The following PLCD3 variants were observed in gnomAD, a reference collection of about 807,000 sequenced individuals.
PLCD3 encodes the protein phospholipase C delta 3.
A neutral mutation model predicts 82.8 loss-of-function variants in PLCD3; 62 were observed. The observed-to-expected ratio is 0.75, with a 90% CI of 0.61 to 0.93. PLCD3 has a LOEUF of 0.93. Among genes scored for constraint, PLCD3 ranks in the 40% least tolerant of loss-of-function variants. The probability of loss-of-function intolerance (pLI) is 0.00; values close to 1 mark genes in which losing one functional copy is unlikely to be tolerated. For synonymous variants in PLCD3, 478 were observed against 471.8 expected (o/e 1.01, Z -0.17); for missense variants, 1,023 against 1,103.4 (o/e 0.93, Z 1.03).
chr17:45,118,360 G>T lies in PLCD3; in HGVS notation c.1046C>A (p.Ser349Tyr). 1 of 1,614,048 alleles carries T rather than the reference G, an allele frequency of 6.2e-7. No homozygotes were observed. The highest frequency in any genetic ancestry group is 1.1e-5 in the South Asian group (1 of 91,084). Residue 349 changes from serine to tyrosine, a missense_variant, in exon 6 of 15, where the codon TCT becomes TAT. Physicochemically the swap from Ser to Tyr is moderately radical, Grantham distance 144. Coordinates refer to ENST00000619929, the MANE Select transcript of PLCD3 (RefSeq NM_133373.5). The surrounding 1 kb of genome is among the most constrained non-coding windows in gnomAD (Gnocchi z 4.1). ...AGTCAGATAGGTGTTGTGGGAGGAA[G>T]AGATGAAGTAGTGGGCAAGGGGCTG... ...MNQPLAHYFISSSHNTYLTDS... is the reference protein window; with the variant it reads ...MNQPLAHYFIYSSHNTYLTDS...
chr17:45,132,180 G>A lies in PLCD3; in HGVS notation c.163+68C>T. 3 of 1,228,160 alleles carry A rather than the reference G, an allele frequency of 2.4e-6. No homozygotes were observed. Among genetic ancestry groups the A allele is most frequent in the South Asian group, 4.1e-5 (1 of 24,434 alleles). 76.1% of individuals were successfully genotyped at this position (1,228,160 alleles called of 1,614,324 possible). On this transcript the variant is annotated intron_variant, in intron 1 of 14. Coordinates refer to ENST00000619929, the MANE Select transcript of PLCD3 (RefSeq NM_133373.5). The surrounding 1 kb of genome is among the most constrained non-coding windows in gnomAD (Gnocchi z 4.6). ...CTGGGGAATCCACGAACTGCTCCCT[G>A]GAGCGCCCCAGACTGGGCCTCTGGG... is the stretch of plus-strand genomic sequence containing the variant.
In PLCD3 at chr17:45,120,469, G is replaced by C; in HGVS notation, c.555-15C>G. ...AGTGGATCCAGGTGTGGGTGCTCAG[G>C]AAATAACAGCAACACGCCAGGCTGC... On this transcript the variant is annotated splice_polypyrimidine_tract_variant and intron_variant, in intron 3 of 14. Transcript: ENST00000619929. The C allele has an allele frequency of 6.2e-7, 1 of 1,613,854 alleles. No homozygotes were observed. Among genetic ancestry groups the C allele is most frequent in the Admixed American group, 1.7e-5 (1 of 60,012 alleles).
intron 1 of PLCD3, among the ~76,000 whole-genome samples, chr17:45,131,304 C>T (rs1713952002): frequency 6.6e-6 from 1 of 152,232 alleles, no homozygotes; most frequent in Non-Finnish European, 1.5e-5. Context: ...CCACACCTAG[C>T]CTCTCCATCA....
In PLCD3 at chr17:45,113,458, C is replaced by T; in HGVS notation, c.1976G>A (p.Arg659Lys). 2 of 1,594,900 alleles carry T rather than the reference C, an allele frequency of 1.3e-6. No individual in the cohort carries two copies. Among genetic ancestry groups the T allele is most frequent in the African/African-American group, 2.7e-5 (2 of 74,680 alleles). The change falls in exon 12 of 15, where the codon AGA (arginine) becomes AAA (lysine). Residue 659 changes from arginine (R) to lysine (K), a missense_variant. Transcript: ENST00000619929. ...TFDPEYPGPPRTTLSIQVLTA... is the reference protein window; with the variant it reads ...TFDPEYPGPPKTTLSIQVLTA... Reference sequence around the variant, plus strand: ...GCTGACCTGGATGCTGAGAGTGGTTCTGGGAGGTCCTGGGTACTCGGGGTC... The same window carrying T: ...GCTGACCTGGATGCTGAGAGTGGTTTTGGGAGGTCCTGGGTACTCGGGGTC...
At chr17:45,114,975 T>G (rs2054277220) in intron 10 of PLCD3, 119 bp downstream of exon 10, 2 of 1,385,836 alleles carry the variant, frequency 1.4e-6, no homozygotes, top group Non-Finnish European at 1.9e-6. Flanking sequence ...GCCCAGCCCC[T>G]CTTTGGGGTC....
In PLCD3 at chr17:45,112,079, T is replaced by A. The variant is rs1315069344; in HGVS notation, c.*537A>T. 6.5e-6 allele frequency: 1 copy of A among 154,730 alleles called. No individual in the cohort carries two copies. The highest frequency in any genetic ancestry group is 1.4e-5 in the Non-Finnish European group (1 of 69,826). 9.6% of individuals were successfully genotyped at this position (154,730 alleles called of 1,614,324 possible). On this transcript the variant is annotated 3_prime_UTR_variant, in exon 15 of 15. Transcript: ENST00000619929. ...AACCTACTGCCAGTTTCCCCAGGGC[T>A]TCATGCCTCAGCGCTCCCTTCTTGC...
rs1457941442 is a variant in PLCD3, at chr17:45,112,385, G to A, written c.*231C>T. On this transcript the variant is annotated 3_prime_UTR_variant, in exon 15 of 15. Coordinates refer to ENST00000619929, the MANE Select transcript of PLCD3 (RefSeq NM_133373.5). ...CAAGAGGAGCTGGGGCCATCTCAGG[G>A]CCCCAGGGTTGGAGCTCACTGAAGT... 2.1e-4 allele frequency: 118 copies of A among 566,598 alleles called. 1 individual carries two copies. In the East Asian group the frequency reaches 3.4e-3, roughly 16 times the overall value. 35.1% of individuals were successfully genotyped at this position (566,598 alleles called of 1,614,324 possible).
At position 45,120,940 on chromosome 17, in the gene PLCD3, C is replaced by A; in HGVS notation, c.516G>T (p.Ala172=). ...CGCGCTGGCTCATGGCGTCCAGGCG[C>A]GCGCGGAGCTTGGTCAGACCGCGCA... ...RWVRGLTKLR[A]RLDAMSQRER... is the part of the protein sequence containing the mutation. Residue 172 remains alanine, a synonymous_variant, in exon 3 of 15, where the codon GCG becomes GCT. Transcript: ENST00000619929. The A allele has an allele frequency of 6.8e-7, 1 of 1,480,808 alleles. No homozygotes were observed. The highest frequency in any genetic ancestry group is 8.9e-7 in the Non-Finnish European group (1 of 1,123,082). The allele number at this position is 1,480,808 out of a possible 1,614,324, so 91.7% of individuals were successfully genotyped here. A position where few individuals can be genotyped will look rare whatever the true frequency, so the allele number is the denominator to read the frequency against.
rs951119181 is a variant in PLCD3, at chr17:45,113,409, C to G, written c.1995+30G>C. 29 of 1,574,872 alleles carry G rather than the reference C, an allele frequency of 1.8e-5. No individual in the cohort carries two copies. In the African/African-American group the frequency reaches 2.3e-4, roughly 12 times the overall value. ...GAGCCTTTCTAGAACCAGTCTGACCCCACACTGGGGCCCGTTCCAGCCTGC... is the reference window on the plus strand; with the variant it reads ...GAGCCTTTCTAGAACCAGTCTGACCGCACACTGGGGCCCGTTCCAGCCTGC... On this transcript the variant is annotated intron_variant, in intron 12 of 14. Coordinates refer to ENST00000619929, the MANE Select transcript of PLCD3 (RefSeq NM_133373.5).
In PLCD3 at chr17:45,120,346, C is replaced by T. The variant is rs2054326220; in HGVS notation, c.663G>A (p.Met221Ile). ...CCACCTTGAAGAGGAGGTAGGCGTA[C>T]ATGTCGTTCATGTCCACGTTGACCA... The part of the protein sequence containing the change: ...LRMVNVDMND[M>I]YAYLLFKECD... Residue 221 changes from methionine (M) to isoleucine (I), a missense_variant, in exon 4 of 15, where the codon ATG (methionine) becomes ATA (isoleucine). Met to Ile is a conservative substitution (Grantham distance 10). Coordinates refer to ENST00000619929, the MANE Select transcript of PLCD3 (RefSeq NM_133373.5). 1 of 1,614,020 alleles carries T rather than the reference C, an allele frequency of 6.2e-7. No individual in the cohort carries two copies. The highest frequency in any genetic ancestry group is 8.5e-7 in the Non-Finnish European group (1 of 1,179,870).
In PLCD3 at chr17:45,111,574, A is replaced by C. The variant is rs2054242274; in HGVS notation, c.*1042T>G. On this transcript the variant is annotated 3_prime_UTR_variant, in exon 15 of 15. Coordinates refer to ENST00000619929, the MANE Select transcript of PLCD3 (RefSeq NM_133373.5). The stretch of plus-strand genomic sequence containing the variant: ...GCCCTGTTGAGGGGAGAGGCCCAAG[A>C]AACTCATCCAGCCCTGTCCCTCCTC... 6.6e-6 allele frequency: 1 copy of C among 152,226 alleles called. No homozygotes were observed. Among genetic ancestry groups the C allele is most frequent in the Non-Finnish European group, 1.5e-5 (1 of 68,076 alleles). The allele number at this position is 152,226 out of a possible 1,614,324, so 9.4% of individuals were successfully genotyped here. A position where few individuals can be genotyped will look rare whatever the true frequency, so the allele number is the denominator to read the frequency against.
Position 45,115,004 on chromosome 17 carries a change from T to C in PLCD3, c.1711+90A>G, listed in dbSNP as rs1218259758. The C allele has an allele frequency of 3.4e-6, 5 of 1,491,256 alleles. No individual in the cohort carries two copies. The African/African-American group carries it at 5.6e-5, about 17-fold the overall frequency. 92.4% of individuals were successfully genotyped at this position (1,491,256 alleles called of 1,614,324 possible). On this transcript the variant is annotated intron_variant, in intron 10 of 14. Transcript: ENST00000619929. ...TGGGGTCCTCTTGACCTCTTTACTG[T>C]CCCCCAAAGCCCCCTCAACTCCTTT...
chr17:45,120,885 C>T lies in PLCD3; in HGVS notation c.554+17G>A. The T allele has an allele frequency of 4.2e-6, 6 of 1,415,418 alleles. No homozygotes were observed. Among genetic ancestry groups the T allele is most frequent in the Non-Finnish European group, 5.5e-6 (6 of 1,090,026 alleles). The allele number at this position is 1,415,418 out of a possible 1,614,324, so 87.7% of individuals were successfully genotyped here. On this transcript the variant is annotated intron_variant, in intron 3 of 14. Coordinates refer to ENST00000619929, the MANE Select transcript of PLCD3 (RefSeq NM_133373.5). ...TCTCCAAGGATGGGGCCCTCCCTCC[C>T]AGCCCCGGCAGGATATTGGTCTAGC...
chr17:45,114,152 G>A (rs1170025673), intron 11 of PLCD3, 98 bp downstream of exon 11: 21 of 864,354 alleles, frequency 2.4e-5, no homozygotes, highest in Non-Finnish European at 3.3e-5. Flanking sequence ...CAAAATGCGT[G>A]TTTCCACCGT....
At position 45,118,432 on chromosome 17, in the gene PLCD3, C is replaced by T. The variant is rs778891034; in HGVS notation, c.974G>A (p.Gly325Glu). 5.6e-6 allele frequency: 9 copies of T among 1,613,890 alleles called. No homozygotes were observed. The African/African-American group carries it at 1.2e-4, about 22-fold the overall frequency. ...GFMMYLLSPE[G>E]AALDNTHTCV... ...CGTGTGGGTGTTGTCCAAGGCAGCC[C>T]CCTCCGGCGACAACAGGTACATCAT... The change falls in exon 6 of 15, where the codon GGG becomes GAG. Residue 325 changes from glycine (G) to glutamate (E), a missense_variant. Gly to Glu is a moderately conservative substitution (Grantham distance 98). This residue lies in a region of PLCD3 where 553 missense variants were observed against 655.7 expected (regional missense o/e 0.84). Coordinates refer to ENST00000619929, the MANE Select transcript of PLCD3 (RefSeq NM_133373.5). The surrounding 1 kb of genome is among the most constrained non-coding windows in gnomAD (Gnocchi z 4.1).
At chr17:45,128,937 AC>A (rs1220540745) in intron 1 of PLCD3, among the ~76,000 whole-genome samples, 1 of 152,166 alleles carries the variant, frequency 6.6e-6, no homozygotes, top group Non-Finnish European at 1.5e-5. Flanking sequence ...TCTATCAGTC[AC>A]TGTGTGACAA....
At position 45,114,331 on chromosome 17, in the gene PLCD3, T is replaced by A. The variant is rs1283017933; in HGVS notation, c.1747A>T (p.Thr583Ser). ...SFVRHNARQL[T>S]RVYPLGLRMN... ...CGCAGCCCCAGCGGGTACACGCGGG[T>A]CAGCTGGCGGGCATTGTGCCTGACA... Residue 583 changes from threonine (T) to serine (S), a missense_variant, in exon 11 of 15, where the codon ACC (threonine) becomes TCC (serine). Around this residue, in one of 3 missense-constraint regions of PLCD3, gnomAD observed 553 missense variants for 655.7 expected, o/e 0.84. Coordinates refer to ENST00000619929, the MANE Select transcript of PLCD3 (RefSeq NM_133373.5). 8 of 1,549,134 alleles carry A rather than the reference T, an allele frequency of 5.2e-6. No homozygotes were observed. The South Asian group carries it at 9.5e-5, about 18-fold the overall frequency.
chr17:45,113,150 C>CCGGGCACAGTCTG lies in PLCD3; in HGVS notation c.2090_2102dup (p.Gln702ArgfsTer8), dbSNP rs1567876967. On this transcript the variant is annotated frameshift_variant, in exon 13 of 15. Coordinates refer to ENST00000619929, the MANE Select transcript of PLCD3 (RefSeq NM_133373.5). LOFTEE classifies it high-confidence loss of function. ...TGTTGAGCACGTAGTCAGTCTCCTG[C>CCGGGCACAGTCTG]CGGGCACAGTCTGCGGGCACCCCAT... The CCGGGCACAGTCTG allele has an allele frequency of 6.2e-7, 1 of 1,613,330 alleles. No individual in the cohort carries two copies.
At chr17:45,114,427 G>T in intron 10 of PLCD3, 61 bp from the exon 11 acceptor site, 1 of 1,360,784 alleles carries the variant, frequency 7.3e-7, no homozygotes, top group Non-Finnish European at 1.0e-6. Context: ...CAAAGCCCCG[G>T]CCTGTAACCT....
Sources: gnomAD v4.1 joint callset for allele counts (sites outside exome capture counted in the v4.1 genomes callset) on GRCh38, gnomAD v4.1.1 for gene constraint, gnomAD v4.1.1 regional missense constraint, Gnocchi (gnomAD v3.1) non-coding constraint, MANE v1.5 for transcripts, NCBI Gene and HGNC (gene_info 2026-07-23, HGNC 2026-07-21) for gene names.